The following TRAPPC9 variants were observed in gnomAD, a reference collection of about 807,000 sequenced individuals.
TRAPPC9 encodes the protein trafficking protein particle complex subunit 9, also known as IKK2 binding protein.
In TRAPPC9, 83 loss-of-function variants were observed where a neutral mutation model predicts 124.0. That is an observed-to-expected ratio of 0.67 (90% CI 0.56 to 0.80). The LOEUF (loss-of-function observed/expected upper bound fraction) is 0.80, where lower values mean the gene tolerates loss of function less well. TRAPPC9 is among the 30% of genes least tolerant of loss of function. The pLI is 0.00. For synonymous variants in TRAPPC9, 638 were observed against 617.5 expected, an observed-to-expected ratio of 1.03 and a Z score of -0.49; for missense variants, 1,302 against 1,508.3, an observed-to-expected ratio of 0.86 and a Z score of 2.27.
chr8:140,038,584 C>T (rs1022338042), intron 17 of TRAPPC9, among the ~76,000 whole-genome samples: 32 of 152,316 alleles, frequency 2.1e-4, no homozygotes, highest in Admixed American at 1.4e-3. Context: ...GTCTAGATGG[C>T]GATCAAGTGG....
chr8:140,223,067 C>T (rs2063373036), intron 16 of TRAPPC9, among the ~76,000 whole-genome samples: 4 of 152,066 alleles, frequency 2.6e-5, no homozygotes, highest in Admixed American at 2.6e-4. Context: ...AGGTTTATTC[C>T]ATAGGTAAAC....
At chr8:139,805,421 G>C (rs1454125363) in intron 21 of TRAPPC9, among the ~76,000 whole-genome samples, 4 of 152,228 alleles carry the variant, frequency 2.6e-5, no homozygotes, top group African/African-American at 9.6e-5. Context: ...CTGCAGACCT[G>C]GCAGCCCTGC....
intron 21 of TRAPPC9, among the ~76,000 whole-genome samples, chr8:139,821,777 G>A (rs187597199): frequency 9.8e-5 from 15 of 152,326 alleles, no homozygotes; most frequent in Admixed American, 9.8e-4. Context: ...CTGCGCACGG[G>A]ACCCGTGAGC....
intron 17 of TRAPPC9, among the ~76,000 whole-genome samples, chr8:140,083,046 A>G (rs1843935865): frequency 6.6e-6 from 1 of 152,200 alleles, no homozygotes; most frequent in Non-Finnish European, 1.5e-5. Flanking sequence ...TAAAAAAATC[A>G]GCTGGGCATG....
At chr8:139,892,085 C>T (rs1038373814) in intron 20 of TRAPPC9, among the ~76,000 whole-genome samples, 12 of 152,214 alleles carry the variant, frequency 7.9e-5, no homozygotes, top group Admixed American at 6.5e-5. Flanking sequence ...TGGGCACATA[C>T]CCATACATGG....
chr8:140,333,917 G>A (rs542706413), intron 9 of TRAPPC9, among the ~76,000 whole-genome samples: 3 of 152,310 alleles, frequency 2.0e-5, no homozygotes, highest in South Asian at 4.1e-4. Context: ...AACAACAGCT[G>A]CATTGATAAC....
intron 5 of TRAPPC9, among the ~76,000 whole-genome samples, chr8:140,406,111 G>A (rs922497122): frequency 1.3e-5 from 2 of 151,828 alleles, no homozygotes; most frequent in Non-Finnish European, 2.9e-5. Context: ...TGAACCACAC[G>A]GCATTGAAAA....
At chr8:140,329,553 C>G (rs1294037291) in intron 9 of TRAPPC9, among the ~76,000 whole-genome samples, 1 of 152,118 alleles carries the variant, frequency 6.6e-6, no homozygotes, top group African/African-American at 2.4e-5. Flanking sequence ...TTATCATTAG[C>G]CCCACTGTAG....
intron 19 of TRAPPC9, among the ~76,000 whole-genome samples, chr8:139,971,804 CATAT>C (rs1340223507): frequency 4.5e-4 from 1 of 2,200 alleles, no homozygotes; most frequent in South Asian, 0.024. Context: ...TATATATATA[CATAT>C]ATATATATAC....
chr8:139,837,123 C>T (rs1826412553), intron 21 of TRAPPC9, among the ~76,000 whole-genome samples: 1 of 152,180 alleles, frequency 6.6e-6, no homozygotes, highest in African/African-American at 2.4e-5. Flanking sequence ...AACAGAGAAA[C>T]CCTCGGTAAA....
At chr8:140,395,972 C>T (rs1163380924) in intron 7 of TRAPPC9, among the ~76,000 whole-genome samples, 2 of 152,072 alleles carry the variant, frequency 1.3e-5, no homozygotes, top group Non-Finnish European at 1.5e-5. Context: ...CTCCCAAGCA[C>T]GTTTCCAGCG....
rs1191339562 is a variant in TRAPPC9 at position 140,087,356 on chromosome 8, C to T, written c.2557-63277G>A. Among the ~76,000 whole-genome samples the T allele has an allele frequency of 1.3e-5, 2 of 152,100 alleles. No individual in the cohort carries two copies. The highest frequency in any genetic ancestry group is 1.9e-4 in the East Asian group (1 of 5,176). ...TGTCATCCAGGCCCAGGATTTTAAA[C>T]GCTGCCTCTAAGCTGCTGACTCTCA... On this transcript the variant is annotated intron_variant, in intron 17 of 22. Coordinates refer to ENST00000438773, the MANE Select transcript of TRAPPC9 (RefSeq NM_001160372.4). This position sits in a 1 kb window ranked among gnomAD's most constrained non-coding sequence, Gnocchi z 4.6.
intron 17 of TRAPPC9, among the ~76,000 whole-genome samples, chr8:140,176,537 G>T (rs2062075810): frequency 6.6e-6 from 1 of 152,236 alleles, no homozygotes; most frequent in Non-Finnish European, 1.5e-5. Context: ...CACTGCATGG[G>T]TATGTTAAAG....
At position 139,732,137 on chromosome 8, in the gene TRAPPC9, C is replaced by T. The variant is rs754172005; in HGVS notation, c.3121G>A (p.Val1041Met). 20 of 1,604,990 alleles carry T rather than the reference C, an allele frequency of 1.2e-5. No individual in the cohort carries two copies. Among genetic ancestry groups the T allele is most frequent in the South Asian group, 3.3e-5 (3 of 89,880 alleles). Residue 1041 changes from valine (V) to methionine (M), a missense_variant, in exon 22 of 23, where the codon GTG (valine) becomes ATG (methionine). Val to Met is a conservative substitution (Grantham distance 21). Transcript: ENST00000438773. ...AVAACQVGDP[V>M]RLEVRLTNRS... The stretch of plus-strand genomic sequence containing the variant: ...TTGGTCAGCCGCACCTCCAGGCGCA[C>T]GGGGTCGCCCACCTGGCAGGCCGCC...
intron 10 of TRAPPC9, among the ~76,000 whole-genome samples, chr8:140,304,398 A>AT (rs1025898432): frequency 4.4e-4 from 66 of 150,460 alleles, no homozygotes; most frequent in African/African-American, 7.5e-4. Context: ...CCCAGCCCCA[A>AT]TTTTTTTTTT....
chr8:140,050,849 G>C (rs1841949558), intron 17 of TRAPPC9, among the ~76,000 whole-genome samples: 1 of 152,074 alleles, frequency 6.6e-6, no homozygotes, highest in African/African-American at 2.4e-5. Context: ...CACACTGGGG[G>C]GCCACACAGC....
At chr8:139,919,125 C>A (rs888740860) in intron 19 of TRAPPC9, among the ~76,000 whole-genome samples, 2 of 152,200 alleles carry the variant, frequency 1.3e-5, no homozygotes, top group Admixed American at 1.3e-4. Context: ...GCTAGTGTCC[C>A]GGCTGCAGGG....
At chr8:140,450,145 A>C (rs1428194951) in intron 2 of TRAPPC9, among the ~76,000 whole-genome samples, 2 of 152,120 alleles carry the variant, frequency 1.3e-5, no homozygotes, top group Non-Finnish European at 2.9e-5. Context: ...CAGATCACTC[A>C]AGGCCAGGAG....
rs138528079 is a variant in TRAPPC9 at position 140,435,158 on chromosome 8, G to C, written c.813C>G (p.Phe271Leu). ...GTGGKSGARR[F>L]QGSTLPAEAA... is the part of the protein sequence containing the mutation. ...CTTCAGCAGGAAGGGTGCTGCCCTG[G>C]AACCTCCGAGCTCCACTCTTCCCAC... The change falls in exon 4 of 23, where the codon TTC (phenylalanine) becomes TTG (leucine). Residue 271 changes from phenylalanine (F) to leucine (L), a missense_variant. Phe to Leu is a conservative substitution (Grantham distance 22). This residue lies in a region of TRAPPC9 where 657 missense variants were observed against 811.2 expected (regional missense o/e 0.81). Coordinates refer to ENST00000438773, the MANE Select transcript of TRAPPC9 (RefSeq NM_001160372.4). The C allele has an allele frequency of 2.0e-5, 33 of 1,614,168 alleles. No individual in the cohort carries two copies. The highest frequency in any genetic ancestry group is 1.6e-4 in the Middle Eastern group (1 of 6,062).
Sources: gnomAD v4.1 joint callset for allele counts (sites outside exome capture counted in the v4.1 genomes callset) on GRCh38, gnomAD v4.1.1 for gene constraint, gnomAD v4.1.1 regional missense constraint, Gnocchi (gnomAD v3.1) non-coding constraint, MANE v1.5 for transcripts, NCBI Gene and HGNC (gene_info 2026-07-23, HGNC 2026-07-21) for gene names.